The following FARS2 variants were observed in gnomAD, a reference collection of about 807,000 sequenced individuals.
FARS2 encodes phenylalanyl-tRNA synthetase 2, mitochondrial.
Under a neutral mutation model 46.4 loss-of-function variants are expected in FARS2, and 40 were observed. The observed-to-expected ratio is 0.86, with a 90% CI of 0.67 to 1.12. The LOEUF (loss-of-function observed/expected upper bound fraction) is 1.12. Ranked by LOEUF, FARS2 falls within the 50% of genes most tolerant of loss-of-function variation. FARS2 has a pLI of 0.00. For synonymous variants in FARS2, 234 were observed against 214.9 expected, an observed-to-expected ratio of 1.09 and a Z score of -0.78; for missense variants, 513 against 567.9, an observed-to-expected ratio of 0.90 and a Z score of 0.98.
intron 5 of FARS2, among the ~76,000 whole-genome samples, chr6:5,565,699 C>T (rs930991061): frequency 5.3e-5 from 8 of 152,124 alleles, no homozygotes; most frequent in African/African-American, 1.4e-4. Context: ...GACATCATTT[C>T]GGCAATCTCA....
In FARS2 at chr6:5,659,271, C is replaced by T. The variant is rs114628391; in HGVS notation, c.1217+45951C>T. 8.2e-3 allele frequency among the ~76,000 whole-genome samples: 1,243 copies of T among 152,250 alleles called. 10 individuals are homozygous for T. Among genetic ancestry groups the T allele is most frequent in the Middle Eastern group, 0.02 (6 of 294 alleles). On this transcript the variant is annotated intron_variant, in intron 6 of 6. Transcript: ENST00000274680. ...TCTCATTTTCAGTCCAGAGAAACAA[C>T]GCTTTTCCAGCCAAGTGTAACCCCA...
At chr6:5,590,074 T>C (rs1442125948) in intron 5 of FARS2, among the ~76,000 whole-genome samples, 2 of 152,212 alleles carry the variant, frequency 1.3e-5, no homozygotes. Flanking sequence ...AGATTAAATA[T>C]CAAAATGTAT....
At chr6:5,609,282 C>G (rs1775034697) in intron 5 of FARS2, 1 of 1,060,674 alleles carries the variant, frequency 9.4e-7, no homozygotes, top group African/African-American at 1.5e-5. Context: ...GCCCTAGCCA[C>G]CTTGGTTTCA....
intron 3 of FARS2, 110 bp downstream of exon 3, chr6:5,404,811 T>C (rs1761468854): frequency 2.5e-6 from 2 of 815,862 alleles, no homozygotes; most frequent in Non-Finnish European, 3.5e-6. Flanking sequence ...TCTTTTTTTT[T>C]TTCCCCGAGA....
intron 6 of FARS2, among the ~76,000 whole-genome samples, chr6:5,650,670 G>A (rs560711342): frequency 2.0e-5 from 3 of 152,086 alleles, no homozygotes; most frequent in African/African-American, 7.2e-5. Flanking sequence ...TAGTAGATGG[G>A]GTTTCACCGT....
At chr6:5,546,475 C>T (rs1771015390) in intron 5 of FARS2, among the ~76,000 whole-genome samples, 1 of 151,660 alleles carries the variant, frequency 6.6e-6, no homozygotes. Context: ...TGGTCTCAAA[C>T]TCCTGACCTT....
At chr6:5,578,672 G>T (rs55799463) in intron 5 of FARS2, among the ~76,000 whole-genome samples, 4,989 of 151,842 alleles carry the variant, frequency 0.033, 260 homozygotes, top group African/African-American at 0.11. Context: ...AGCCAGGCGT[G>T]GTGGTGGGCG....
At chr6:5,352,616 A>C (rs1757644982) in intron 1 of FARS2, among the ~76,000 whole-genome samples, 1 of 151,566 alleles carries the variant, frequency 6.6e-6, no homozygotes, top group Non-Finnish European at 1.5e-5. Context: ...CTCATCTAGT[A>C]AATGCCCTCT....
intron 2 of FARS2, among the ~76,000 whole-genome samples, chr6:5,372,324 A>G (rs1759111030): frequency 6.6e-6 from 1 of 152,182 alleles, no homozygotes; most frequent in South Asian, 2.1e-4. Flanking sequence ...TTTGGTAGCC[A>G]TAAACATATA....
chr6:5,403,808 C>T (rs1372300571), intron 2 of FARS2, among the ~76,000 whole-genome samples: 1 of 152,134 alleles, frequency 6.6e-6, no homozygotes, highest in Non-Finnish European at 1.5e-5. Flanking sequence ...AAGTAAAGAC[C>T]TGCTGTGTCA....
At chr6:5,446,119 C>T (rs1416848331) in intron 4 of FARS2, among the ~76,000 whole-genome samples, 1 of 151,692 alleles carries the variant, frequency 6.6e-6, no homozygotes, top group Non-Finnish European at 1.5e-5. Context: ...AGGAGAATGC[C>T]GTGAATCTGG....
intron 6 of FARS2, among the ~76,000 whole-genome samples, chr6:5,621,839 G>T (rs554485141): frequency 5.9e-5 from 9 of 152,342 alleles, no homozygotes; most frequent in Admixed American, 2.0e-4. Flanking sequence ...ACTGAGGGAA[G>T]GTCTAAGGGC....
intron 6 of FARS2, among the ~76,000 whole-genome samples, chr6:5,687,120 T>G (rs146243260): frequency 0.39 from 59,427 of 152,138 alleles, 13,133 homozygotes; most frequent in Non-Finnish European, 0.5. Context: ...ATAAGTAGAT[T>G]GCAAAAATTT....
In FARS2 at chr6:5,431,338, G is replaced by A. The variant is rs2432760; in HGVS notation, c.904+166G>A. 0.72 allele frequency among the ~76,000 whole-genome samples: 109,717 copies of A among 152,092 alleles called. 39,841 individuals carry two copies. Among genetic ancestry groups the A allele is most frequent in the East Asian group, 0.91 (4,706 of 5,176 alleles). ...AGATTTGTCTTTGATACTAAGCCCT[G>A]GAAAAACTTATTTCTCACATCCGTA... On this transcript the variant is annotated intron_variant, in intron 4 of 6. Transcript: ENST00000274680.
chr6:5,432,849 G>A (rs1484783025), intron 4 of FARS2, among the ~76,000 whole-genome samples: 1 of 152,180 alleles, frequency 6.6e-6, no homozygotes, highest in Admixed American at 6.5e-5. Context: ...TGAGCAGAGA[G>A]TGACGAGACA....
At chr6:5,648,404 T>A (rs564588467) in intron 6 of FARS2, among the ~76,000 whole-genome samples, 1 of 152,276 alleles carries the variant, frequency 6.6e-6, no homozygotes, top group South Asian at 2.1e-4. Flanking sequence ...CTCCCCTTGG[T>A]CAGCTTGTTT....
At chr6:5,287,529 C>T (rs1161322637) in intron 1 of FARS2, among the ~76,000 whole-genome samples, 2 of 152,160 alleles carry the variant, frequency 1.3e-5, no homozygotes, top group Non-Finnish European at 2.9e-5. Flanking sequence ...AATTAGCCTG[C>T]CCCTGGCCTG....
chr6:5,569,673 A>T (rs575585726), intron 5 of FARS2, among the ~76,000 whole-genome samples: 63 of 152,314 alleles, frequency 4.1e-4, no homozygotes, highest in African/African-American at 1.5e-3. Flanking sequence ...ACTCAGGCCA[A>T]GATAGAAGTG....
intron 4 of FARS2, among the ~76,000 whole-genome samples, chr6:5,497,603 A>T (rs1321830583): frequency 1.3e-5 from 2 of 152,232 alleles, no homozygotes; most frequent in African/African-American, 4.8e-5. Flanking sequence ...AGCCTGTATT[A>T]ACTGTTATCA....
Sources: allele counts gnomAD v4.1 joint callset (sites outside exome capture counted in the v4.1 genomes callset), GRCh38; gene constraint gnomAD v4.1.1; transcripts MANE v1.5; gene names NCBI Gene and HGNC (gene_info 2026-07-23, HGNC 2026-07-21).